The following VPS13B variants were observed in gnomAD, a reference collection of about 807,000 sequenced individuals.
VPS13B encodes the protein intermembrane lipid transfer protein VPS13B.
A neutral mutation model predicts 426.4 loss-of-function variants in VPS13B; 285 were observed. The observed-to-expected ratio is 0.67, with a 90% CI of 0.61 to 0.74. VPS13B has a LOEUF of 0.74. Among genes scored for constraint, VPS13B ranks in the 30% least tolerant of loss-of-function variants. VPS13B has a pLI of 0.00. For missense variants in VPS13B, 4,537 were observed against 4,782.6 expected, an observed-to-expected ratio of 0.95 and a Z score of 1.51; for synonymous variants, 1,676 against 1,676.4, an observed-to-expected ratio of 1.00 and a Z score of 0.01.
chr8:99,328,411 G>A (rs1341895352), intron 19 of VPS13B, among the ~76,000 whole-genome samples: 4 of 152,162 alleles, frequency 2.6e-5, no homozygotes, highest in Non-Finnish European at 5.9e-5. Context: ...TGTGTTTGGT[G>A]CTATCACCTG....
intron 19 of VPS13B, among the ~76,000 whole-genome samples, chr8:99,302,061 T>C (rs1429077611): frequency 6.6e-6 from 1 of 152,236 alleles, no homozygotes; most frequent in East Asian, 1.9e-4. Flanking sequence ...TTCAATGATC[T>C]CTAATGGGAC....
intron 33 of VPS13B, among the ~76,000 whole-genome samples, chr8:99,578,257 A>G (rs1329795336): frequency 2.0e-5 from 3 of 152,160 alleles, no homozygotes; most frequent in Non-Finnish European, 4.4e-5. Flanking sequence ...TGTACTTAGA[A>G]TAAATATTTT....
chr8:99,741,336 G>C (rs1364165849), intron 39 of VPS13B, among the ~76,000 whole-genome samples: 1 of 152,128 alleles, frequency 6.6e-6, no homozygotes, highest in African/African-American at 2.4e-5. Flanking sequence ...AGTCCTTAGA[G>C]ACCTACAAAG....
intron 59 of VPS13B, 64 bp from the exon 60 acceptor site, chr8:99,870,721 A>G (rs1457352183): frequency 4.8e-6 from 7 of 1,464,856 alleles, no homozygotes; most frequent in Non-Finnish European, 6.7e-6. Flanking sequence ...AGATGACATC[A>G]TTGCAGCATG....
intron 39 of VPS13B, among the ~76,000 whole-genome samples, chr8:99,762,980 A>T (rs1387205654): frequency 6.6e-6 from 1 of 151,760 alleles, no homozygotes; most frequent in Admixed American, 6.6e-5. Context: ...TCTATAAAAA[A>T]TACAAAAATT....
intron 17 of VPS13B, among the ~76,000 whole-genome samples, chr8:99,196,982 G>A (rs1813971755): frequency 6.6e-6 from 1 of 152,014 alleles, no homozygotes; most frequent in African/African-American, 2.4e-5. Flanking sequence ...CCTTTATTGT[G>A]TTTAGGTACA....
In VPS13B at chr8:99,096,437, C is replaced by G. The variant is rs904918573; in HGVS notation, c.412+5C>G. The G allele has an allele frequency of 1.2e-6, 2 of 1,613,852 alleles. No individual in the cohort carries two copies. Among genetic ancestry groups the G allele is most frequent in the Non-Finnish European group, 1.7e-6 (2 of 1,179,886 alleles). On this transcript the variant is annotated splice_donor_5th_base_variant and intron_variant, in intron 4 of 61. Transcript: ENST00000357162. ...CAGATCCTGACTTACCACCAGGTAACTTCTAATGGGATCAATAAAACCAAA... is the reference window on the plus strand; with the variant it reads ...CAGATCCTGACTTACCACCAGGTAAGTTCTAATGGGATCAATAAAACCAAA...
intron 35 of VPS13B, among the ~76,000 whole-genome samples, chr8:99,691,529 C>T (rs1831664694): frequency 6.6e-6 from 1 of 151,758 alleles, no homozygotes; most frequent in East Asian, 1.9e-4. Flanking sequence ...TAGCTGTAAA[C>T]AAGACTCAGA....
At chr8:99,869,320 G>A (rs1588807891) in intron 59 of VPS13B, among the ~76,000 whole-genome samples, 1 of 151,594 alleles carries the variant, frequency 6.6e-6, no homozygotes, top group East Asian at 1.9e-4. Flanking sequence ...CCCATGGGAT[G>A]TGTTTCTAGG....
chr8:99,463,718 G>A (rs1818952082), intron 23 of VPS13B, among the ~76,000 whole-genome samples: 1 of 152,026 alleles, frequency 6.6e-6, no homozygotes, highest in South Asian at 2.1e-4. Flanking sequence ...TTAAGATGGA[G>A]TTTCGCTCTT....
intron 3 of VPS13B, among the ~76,000 whole-genome samples, chr8:99,048,496 A>T (rs1422773838): frequency 6.6e-6 from 1 of 151,908 alleles, no homozygotes; most frequent in Non-Finnish European, 1.5e-5. Context: ...TGTTTCTTAG[A>T]TCTGGTAGTA....
chr8:99,041,725 C>T (rs571329238), intron 3 of VPS13B, among the ~76,000 whole-genome samples: 4 of 152,036 alleles, frequency 2.6e-5, no homozygotes, highest in South Asian at 2.1e-4. Flanking sequence ...TGGTGGCCGG[C>T]GCCTGTAGTC....
intron 30 of VPS13B, among the ~76,000 whole-genome samples, chr8:99,522,737 C>T (rs762437604): frequency 6.6e-6 from 1 of 152,116 alleles, no homozygotes; most frequent in Non-Finnish European, 1.5e-5. Context: ...GGATGGCAAA[C>T]TCAACCTAAT....
At chr8:99,687,777 A>G (rs547045180) in intron 35 of VPS13B, among the ~76,000 whole-genome samples, 1 of 152,196 alleles carries the variant, frequency 6.6e-6, no homozygotes, top group South Asian at 2.1e-4. Flanking sequence ...TTTCAGTGAT[A>G]CAAAGTTAAA....
chr8:99,453,656 C>T (rs900753439), intron 23 of VPS13B, among the ~76,000 whole-genome samples: 4 of 152,164 alleles, frequency 2.6e-5, no homozygotes, highest in African/African-American at 9.7e-5. Flanking sequence ...CCCCACCACA[C>T]TTATTTTAAA....
chr8:99,134,567 C>T, intron 8 of VPS13B, 65 bp from the exon 9 acceptor site: 3 of 1,294,816 alleles, frequency 2.3e-6, no homozygotes, highest in Non-Finnish European at 3.3e-6. Flanking sequence ...AATTAATCAT[C>T]ATAATGACAA....
chr8:99,172,375 C>A (rs1009376347), intron 16 of VPS13B, among the ~76,000 whole-genome samples: 1 of 152,052 alleles, frequency 6.6e-6, no homozygotes, highest in African/African-American at 2.4e-5. Flanking sequence ...TCTGAAAGAG[C>A]ATACTATATT....
At chr8:99,412,503 A>T (rs112143090) in intron 21 of VPS13B, among the ~76,000 whole-genome samples, 206 of 152,318 alleles carry the variant, frequency 1.4e-3, no homozygotes, top group African/African-American at 4.7e-3. Flanking sequence ...ATATACAATC[A>T]TGTCATCTGC....
At chr8:99,763,364 C>G (rs1395994456) in intron 39 of VPS13B, among the ~76,000 whole-genome samples, 3 of 152,046 alleles carry the variant, frequency 2.0e-5, no homozygotes, top group African/African-American at 7.2e-5. Flanking sequence ...TATTCAGCAA[C>G]TCTTTTTGAA....
Sources: gnomAD v4.1 joint callset for allele counts (sites outside exome capture counted in the v4.1 genomes callset) on GRCh38, gnomAD v4.1.1 for gene constraint, MANE v1.5 for transcripts, NCBI Gene and HGNC (gene_info 2026-07-23, HGNC 2026-07-21) for gene names.